KIRREL3: variants seen among roughly 807,000 people sequenced by gnomAD.
KIRREL3 encodes kin of IRRE-like protein 3.
A neutral mutation model predicts 89.7 loss-of-function variants in KIRREL3; 36 were observed. The ratio of observed to expected loss-of-function variants is 0.40; its 90% CI spans 0.31 to 0.53. KIRREL3 has a LOEUF of 0.53. Ranked by LOEUF, KIRREL3 falls within the 20% of genes least tolerant of loss-of-function variation. The pLI, the probability that KIRREL3 is intolerant of heterozygous loss-of-function variation, is 0.49. For missense variants in KIRREL3, 864 were observed against 1,056.6 expected (o/e 0.82, Z 2.53); for synonymous variants, 445 against 441.4 (o/e 1.01, Z -0.10).
intron 7 of KIRREL3, 61 bp downstream of exon 7, chr11:126,456,288 G>A (rs964951007): frequency 2.1e-5 from 24 of 1,160,062 alleles, no homozygotes; most frequent in African/African-American, 6.1e-5. Context: ...GACATCCCAC[G>A]TGAGAGGCAC....
Position 126,723,269 on chromosome 11 carries a change from T to G in KIRREL3, c.56-160357A>C, listed in dbSNP as rs75492273. On this transcript the variant is annotated intron_variant, in intron 1 of 16. Transcript: ENST00000525144. The surrounding 1 kb of genome is among the most constrained non-coding windows in gnomAD (Gnocchi z 4.0). The stretch of plus-strand genomic sequence containing the variant: ...CTCCTAGCAGAGACAGACACACTTT[T>G]AGTAGGGGCTAAGCTATGTTTGTGG... 6.6e-6 allele frequency among the ~76,000 whole-genome samples: 1 copy of G among 152,242 alleles called. No homozygotes were observed. Among genetic ancestry groups the G allele is most frequent in the East Asian group, 1.9e-4 (1 of 5,178 alleles).
rs1383848544 is a variant in KIRREL3, at chr11:126,830,816, T to A, written c.55+169639A>T. Reference sequence around the variant, plus strand: ...GTTTATGTCACTAATGACTACATCCTGGGCCTCCATGCATTTTGTAACCCC... The same window carrying A: ...GTTTATGTCACTAATGACTACATCCAGGGCCTCCATGCATTTTGTAACCCC... On this transcript the variant is annotated intron_variant, in intron 1 of 16. Coordinates refer to ENST00000525144, the MANE Select transcript of KIRREL3 (RefSeq NM_032531.4). This position sits in a 1 kb window ranked among gnomAD's most constrained non-coding sequence, Gnocchi z 4.9. Among the ~76,000 whole-genome samples the A allele has an allele frequency of 3.9e-5, 6 of 152,246 alleles. No individual in the cohort carries two copies. Among genetic ancestry groups the A allele is most frequent in the African/African-American group, 1.4e-4 (6 of 41,464 alleles).
chr11:126,863,614 CGT>C (rs372426537), intron 1 of KIRREL3, among the ~76,000 whole-genome samples: 6 of 18,850 alleles, frequency 3.2e-4, no homozygotes, highest in East Asian at 0.015. Context: ...TGTTTGCGTG[CGT>C]GTGTGTGTGT....
chr11:126,882,281 T>C (rs1218398006), intron 1 of KIRREL3, among the ~76,000 whole-genome samples: 1 of 152,234 alleles, frequency 6.6e-6, no homozygotes. Context: ...GCAGATATTC[T>C]TTCCAGTATG....
At chr11:126,863,605 G>T (rs1255192653) in intron 1 of KIRREL3, among the ~76,000 whole-genome samples, 1 of 59,398 alleles carries the variant, frequency 1.7e-5, no homozygotes, top group African/African-American at 9.0e-5. Context: ...GTGCGTGTGT[G>T]TTTGCGTGCG....
rs57987685 is a variant in KIRREL3, at chr11:126,843,190, C to T, written c.55+157265G>A. 0.031 allele frequency among the ~76,000 whole-genome samples: 4,703 copies of T among 152,172 alleles called. 242 individuals carry two copies. Among genetic ancestry groups the T allele is most frequent in the African/African-American group, 0.11 (4,458 of 41,492 alleles). On this transcript the variant is annotated intron_variant, in intron 1 of 16. Coordinates refer to ENST00000525144, the MANE Select transcript of KIRREL3 (RefSeq NM_032531.4). This position sits in a 1 kb window ranked among gnomAD's most constrained non-coding sequence, Gnocchi z 4.6. ...AGAGCAGCTCTCTGGGAGGAAGATACGGTCTCTGAGCAAGACAAAAACAAG... is the reference window on the plus strand; with the variant it reads ...AGAGCAGCTCTCTGGGAGGAAGATATGGTCTCTGAGCAAGACAAAAACAAG...
chr11:126,435,300 G>T lies in KIRREL3; in HGVS notation c.1556C>A (p.Ser519Ter). 1 of 1,609,222 alleles carries T rather than the reference G, an allele frequency of 6.2e-7. No individual in the cohort carries two copies. The highest frequency in any genetic ancestry group is 1.1e-5 in the South Asian group (1 of 91,018). The change falls in exon 13 of 17, where the codon TCG becomes TAG. Residue 519 changes from serine (S) to a stop codon, truncating the protein, a stop_gained. Coordinates refer to ENST00000525144, the MANE Select transcript of KIRREL3 (RefSeq NM_032531.4). LOFTEE classifies it high-confidence loss of function. ...TEIIRLKEQG[S>*]EMKSGAGLEA... ...CAGCCCGGCTCCCGACTTCATTTCC[G>T]AACCTGTTTGGAAATAAAGCAAGCG...
chr11:126,856,677 G>A lies in KIRREL3; in HGVS notation c.55+143778C>T, dbSNP rs189837086. On this transcript the variant is annotated intron_variant, in intron 1 of 16. Coordinates refer to ENST00000525144, the MANE Select transcript of KIRREL3 (RefSeq NM_032531.4). ...GTCGCCCAGACTGGAGTGCAGTGGC[G>A]CCATCTCGGCTCACTGCAAGCTCTG... 5.6e-3 allele frequency among the ~76,000 whole-genome samples: 844 copies of A among 150,838 alleles called. 19 individuals are homozygous for A. Among genetic ancestry groups the A allele is most frequent in the Admixed American group, 0.041 (625 of 15,142 alleles).
In KIRREL3 at chr11:126,978,474, T is replaced by C. The variant is rs543456675; in HGVS notation, c.55+21981A>G. On this transcript the variant is annotated intron_variant, in intron 1 of 16. Transcript: ENST00000525144. The surrounding 1 kb of genome is among the most constrained non-coding windows in gnomAD (Gnocchi z 4.2). ...TGGTAACCTCAAACAGGTTGCTCCC[T>C]CTATCATCCAATATATTCTTGTGTT... Among the ~76,000 whole-genome samples the C allele has an allele frequency of 6.6e-6, 1 of 152,332 alleles. No homozygotes were observed. The highest frequency in any genetic ancestry group is 2.1e-4 in the South Asian group (1 of 4,826).
At chr11:126,657,200 TC>T (rs1294826663) in intron 1 of KIRREL3, among the ~76,000 whole-genome samples, 1 of 151,996 alleles carries the variant, frequency 6.6e-6, no homozygotes, top group African/African-American at 2.4e-5. Context: ...TTATAATAGA[TC>T]ATGCATAATC....
chr11:126,533,724 C>T (rs1317618477), intron 2 of KIRREL3, among the ~76,000 whole-genome samples: 2 of 152,360 alleles, frequency 1.3e-5, no homozygotes, highest in Admixed American at 6.5e-5. Context: ...AGGAATCAGA[C>T]TGACCTGGGT....
rs1938082470 is a variant in KIRREL3 at position 126,538,346 on chromosome 11, A to C, written c.134-11659T>G. ...GCCTGGAGCTTGTAAATTGCCTCTT[A>C]TGAGATTAAGGGAAGCTGCCCCTCC... is the stretch of plus-strand genomic sequence containing the variant. On this transcript the variant is annotated intron_variant, in intron 2 of 16. Transcript: ENST00000525144. 2.0e-5 allele frequency among the ~76,000 whole-genome samples: 3 copies of C among 152,160 alleles called. No homozygotes were observed. The South Asian group carries it at 6.2e-4, about 32-fold the overall frequency.
chr11:126,799,062 G>A (rs201576219), intron 1 of KIRREL3, among the ~76,000 whole-genome samples: 17 of 150,710 alleles, frequency 1.1e-4, no homozygotes, highest in African/African-American at 4.2e-4. Flanking sequence ...ATCTGTGTGC[G>A]TGTGCACGTA....
chr11:126,487,176 G>A (rs77025098), intron 4 of KIRREL3, among the ~76,000 whole-genome samples: 3,441 of 152,284 alleles, frequency 0.023, 135 homozygotes, highest in African/African-American at 0.074. Context: ...GTGTTTTGCA[G>A]GATAAAAGCA....
Position 126,892,819 on chromosome 11 carries a change from G to A in KIRREL3, c.55+107636C>T, listed in dbSNP as rs1401990117. Among the ~76,000 whole-genome samples the A allele has an allele frequency of 1.3e-5, 2 of 152,154 alleles. No homozygotes were observed. The highest frequency in any genetic ancestry group is 2.4e-5 in the African/African-American group (1 of 41,426). On this transcript the variant is annotated intron_variant, in intron 1 of 16. Coordinates refer to ENST00000525144, the MANE Select transcript of KIRREL3 (RefSeq NM_032531.4). The surrounding 1 kb of genome is among the most constrained non-coding windows in gnomAD (Gnocchi z 5.4). ...TTCCACGGTAGTGCATACAGCCCTC[G>A]AGACCTACTCAAGAGAGGACAAAAG...
chr11:126,426,555 T>C (rs975568770), intron 15 of KIRREL3, among the ~76,000 whole-genome samples: 4 of 152,214 alleles, frequency 2.6e-5, no homozygotes, highest in Admixed American at 6.5e-5. Context: ...TCTAAATTAC[T>C]GAAAATTAAC....
At chr11:126,880,688 A>G (rs1945463806) in intron 1 of KIRREL3, among the ~76,000 whole-genome samples, 1 of 150,756 alleles carries the variant, frequency 6.6e-6, no homozygotes. Flanking sequence ...GCATGTTTAC[A>G]CTTAGCATTA....
rs1371947698 is a variant in KIRREL3 at position 126,519,504 on chromosome 11, T to C, written c.433+1811A>G. Among the ~76,000 whole-genome samples, 1 of 152,182 alleles carries C rather than the reference T, an allele frequency of 6.6e-6. No homozygotes were observed. Among genetic ancestry groups the C allele is most frequent in the African/African-American group, 2.4e-5 (1 of 41,426 alleles). On this transcript the variant is annotated intron_variant, in intron 4 of 16. Coordinates refer to ENST00000525144, the MANE Select transcript of KIRREL3 (RefSeq NM_032531.4). The surrounding 1 kb of genome is among the most constrained non-coding windows in gnomAD (Gnocchi z 4.3). ...AACGTAGAGTTGAGAGGAAAGGAAG[T>C]GTAATGATCATGTCAGGACTGGGGA...
Position 126,689,647 on chromosome 11 carries a change from T to G in KIRREL3, c.56-126735A>C, listed in dbSNP as rs1481726103. Among the ~76,000 whole-genome samples, 1 of 152,254 alleles carries G rather than the reference T, an allele frequency of 6.6e-6. No homozygotes were observed. The highest frequency in any genetic ancestry group is 1.5e-5 in the Non-Finnish European group (1 of 68,046). The stretch of plus-strand genomic sequence containing the variant: ...GAGACATCTTGTTAGCCAGTTGCTC[T>G]GGTAGCCTGCATTGCAAGGGCCTGG... On this transcript the variant is annotated intron_variant, in intron 1 of 16. Transcript: ENST00000525144. This position sits in a 1 kb window ranked among gnomAD's most constrained non-coding sequence, Gnocchi z 5.2.
Sources: gnomAD v4.1 joint callset for allele counts (sites outside exome capture counted in the v4.1 genomes callset) on GRCh38, gnomAD v4.1.1 for gene constraint, Gnocchi (gnomAD v3.1) non-coding constraint, MANE v1.5 for transcripts, NCBI Gene and HGNC (gene_info 2026-07-23, HGNC 2026-07-21) for gene names.